Variants in GRAMD2B observed in about 807,000 individuals in gnomAD.
The protein encoded by GRAMD2B is GRAM domain-containing protein 2B.
A neutral mutation model predicts 59.2 loss-of-function variants in GRAMD2B; 41 were observed. The observed-to-expected ratio is 0.69, with a 90% CI of 0.54 to 0.90. The LOEUF is 0.90. Ranked by LOEUF, GRAMD2B falls within the 40% of genes least tolerant of loss-of-function variation. The pLI, the probability that GRAMD2B is intolerant of heterozygous loss-of-function variation, is 0.00. For missense variants in GRAMD2B, 424 were observed against 500.5 expected (o/e 0.85, Z 1.46); for synonymous variants, 161 against 182.7 (o/e 0.88, Z 0.96).
At chr5:126,445,005 T>C (rs572693687) in intron 1 of GRAMD2B, among the ~76,000 whole-genome samples, 1 of 152,348 alleles carries the variant, frequency 6.6e-6, no homozygotes, top group East Asian at 1.9e-4. Flanking sequence ...GCTCCATCCA[T>C]GTTCCTGCAA....
At chr5:126,407,399 C>A (rs17596543) in intron 1 of GRAMD2B, among the ~76,000 whole-genome samples, 2,457 of 152,048 alleles carry the variant, frequency 0.016, 39 homozygotes, top group Admixed American at 0.054. Flanking sequence ...CTATCGTAAG[C>A]CTCTATTCCA....
chr5:126,361,800 C>A (rs1463385839), intron 1 of GRAMD2B, among the ~76,000 whole-genome samples: 2 of 152,170 alleles, frequency 1.3e-5, no homozygotes, highest in Non-Finnish European at 2.9e-5. Flanking sequence ...AAAATGATGT[C>A]TTTCCTGTCT....
chr5:126,360,475 C>T, intron 1 of GRAMD2B: 1 of 1,544,744 alleles, frequency 6.5e-7, no homozygotes, highest in Non-Finnish European at 8.7e-7. Flanking sequence ...TGACAGGTCT[C>T]AGACCTGGAA....
intron 1 of GRAMD2B, among the ~76,000 whole-genome samples, chr5:126,374,677 T>C (rs1580689629): frequency 2.6e-5 from 4 of 152,342 alleles, no homozygotes; most frequent in African/African-American, 9.6e-5. Context: ...CTAGGATTCT[T>C]TCTGTGTTTA....
rs73338092 is a variant in GRAMD2B, at chr5:126,492,411, G to A, written c.1258-504G>A. On this transcript the variant is annotated intron_variant, in intron 13 of 13. Transcript: ENST00000285689. Reference sequence around the variant, plus strand: ...CTCTCTTTTTTTTTTTTTAAGCCCTGTATTTCCTCATTTTAAAGTGGATTG... The same window carrying A: ...CTCTCTTTTTTTTTTTTTAAGCCCTATATTTCCTCATTTTAAAGTGGATTG... Among the ~76,000 whole-genome samples, 652 of 146,484 alleles carry A rather than the reference G, an allele frequency of 4.5e-3. 5 individuals are homozygous for A. Among genetic ancestry groups the A allele is most frequent in the African/African-American group, 0.015 (574 of 39,552 alleles).
intron 1 of GRAMD2B, among the ~76,000 whole-genome samples, chr5:126,399,891 A>T (rs570553400): frequency 6.6e-6 from 1 of 152,248 alleles, no homozygotes; most frequent in East Asian, 1.9e-4. Flanking sequence ...TGTAGACAGA[A>T]TATTACTGGA....
At chr5:126,465,667 T>G in intron 2 of GRAMD2B, 122 bp downstream of exon 2, 1 of 825,814 alleles carries the variant, frequency 1.2e-6, no homozygotes, top group South Asian at 1.9e-5. Flanking sequence ...ATAATACTCC[T>G]GAGAAAGAAT....
chr5:126,389,239 A>G (rs1458791024), intron 1 of GRAMD2B, among the ~76,000 whole-genome samples: 4 of 152,220 alleles, frequency 2.6e-5, no homozygotes, highest in Non-Finnish European at 5.9e-5. Flanking sequence ...GAATCACCTC[A>G]TCTGTGAAGT....
chr5:126,385,947 A>G (rs1756088287), intron 1 of GRAMD2B, among the ~76,000 whole-genome samples: 1 of 152,214 alleles, frequency 6.6e-6, no homozygotes, highest in Admixed American at 6.5e-5. Context: ...ACACATTTCA[A>G]GTTGCTGAAA....
chr5:126,444,659 T>C (rs929248097), intron 1 of GRAMD2B, among the ~76,000 whole-genome samples: 19 of 152,254 alleles, frequency 1.2e-4, no homozygotes, highest in African/African-American at 4.3e-4. Context: ...AGGATGTTCA[T>C]ATGAAAACCC....
In GRAMD2B at chr5:126,463,450, A is replaced by G. The variant is rs189099759; in HGVS notation, c.84-1976A>G. Among the ~76,000 whole-genome samples, 347 of 152,344 alleles carry G rather than the reference A, an allele frequency of 2.3e-3. 3 individuals carry two copies. The highest frequency in any genetic ancestry group is 3.7e-3 in the Non-Finnish European group (250 of 68,022). On this transcript the variant is annotated intron_variant, in intron 1 of 13. Transcript: ENST00000285689. ...TGCTTTAAGGCCTCTTAACTATTCT[A>G]AAATTCTTTGAGTCCACAAATTAAA...
chr5:126,380,459 A>T (rs1755571095), intron 1 of GRAMD2B, among the ~76,000 whole-genome samples: 1 of 151,992 alleles, frequency 6.6e-6, no homozygotes, highest in Non-Finnish European at 1.5e-5. Flanking sequence ...ATTTTGATGG[A>T]AATTGCATTG....
chr5:126,398,143 C>G (rs1165209031), intron 1 of GRAMD2B, among the ~76,000 whole-genome samples: 1 of 151,312 alleles, frequency 6.6e-6, no homozygotes, highest in South Asian at 2.1e-4. Context: ...CTCACCCCAG[C>G]CTTCCAAGTT....
chr5:126,381,524 T>C (rs1755654184), intron 1 of GRAMD2B, among the ~76,000 whole-genome samples: 1 of 152,222 alleles, frequency 6.6e-6, no homozygotes, highest in East Asian at 1.9e-4. Flanking sequence ...TTACTTTTGG[T>C]GTCCATTTGC....
Position 126,480,657 on chromosome 5 carries a change from T to A in GRAMD2B, c.685T>A (p.Ser229Thr). Residue 229 changes from serine (S) to threonine (T), a missense_variant, in exon 8 of 14, where the codon TCT becomes ACT. Ser to Thr is a moderately conservative substitution (Grantham distance 58). Transcript: ENST00000285689. Reference protein sequence around the residue: ...NTSVGNSPNPSSAENSFRADR... With the variant: ...NTSVGNSPNPTSAENSFRADR... ...AAGTGTTGGTAACAGTCCCAATCCA[T>A]CTTCTGCTGAAAACAGTTTCCGAGC... 1 of 1,614,168 alleles carries A rather than the reference T, an allele frequency of 6.2e-7. No individual in the cohort carries two copies.
In GRAMD2B at chr5:126,408,790, T is replaced by C. The variant is rs568750519; in HGVS notation, c.125+37223T>C. Among the ~76,000 whole-genome samples the C allele has an allele frequency of 4.2e-4, 63 of 149,996 alleles. 2 individuals are homozygous for C. The highest frequency in any genetic ancestry group is 1.4e-3 in the African/African-American group (59 of 40,854). On this transcript the variant is annotated intron_variant, in intron 1 of 8. Coordinates refer to the GRAMD2B transcript ENST00000506445. ...TGCCATGCTGGTGTGCTGCACCCAT[T>C]AACTCGTCATTTAGCATTAGGTATA...
Position 126,488,847 on chromosome 5 carries a change from G to T in GRAMD2B, c.1212G>T (p.Glu404Asp). The T allele has an allele frequency of 6.2e-7, 1 of 1,613,844 alleles. No homozygotes were observed. The highest frequency in any genetic ancestry group is 8.5e-7 in the Non-Finnish European group (1 of 1,179,828). ...GGTCACAAGTACAATTCAATGTGGA[G>T]GTTCTCTGTCAAGAGCTTACAGCTA... ...GLRSQVQFNVEVLCQELTANI... is the reference protein window; with the variant it reads ...GLRSQVQFNVDVLCQELTANI... The change falls in exon 13 of 14, where the codon GAG becomes GAT. Residue 404 changes from glutamate to aspartate, a missense_variant. By Grantham distance (45) the Glu-to-Asp change is conservative. Coordinates refer to ENST00000285689, the MANE Select transcript of GRAMD2B (RefSeq NM_023927.4).
intron 11 of GRAMD2B, 84 bp from the exon 12 acceptor site, chr5:126,486,789 G>A (rs1773019837): frequency 6.5e-6 from 5 of 769,810 alleles, no homozygotes; most frequent in Non-Finnish European, 1.1e-5. Context: ...TGCCTCGGGT[G>A]TACCACATTG....
chr5:126,370,683 T>C (rs138927290), upstream of GRAMD2B, among the ~76,000 whole-genome samples: 1 of 152,186 alleles, frequency 6.6e-6, no homozygotes, highest in East Asian at 1.9e-4. Flanking sequence ...ATAACAGATA[T>C]CAAACAGAGC....
Sources: gnomAD v4.1 joint callset for allele counts (sites outside exome capture counted in the v4.1 genomes callset) on GRCh38, gnomAD v4.1.1 for gene constraint, MANE v1.5 for transcripts, NCBI Gene and HGNC (gene_info 2026-07-23, HGNC 2026-07-21) for gene names.